WLS: variants seen among roughly 807,000 people sequenced by gnomAD.
WLS encodes the protein Wnt ligand secretion mediator, also known as protein wntless homolog.
A neutral mutation model predicts 62.8 loss-of-function variants in WLS; 23 were observed. The observed-to-expected ratio is 0.37, with a 90% confidence interval of 0.26 to 0.52. The LOEUF (loss-of-function observed/expected upper bound fraction) is 0.52, where lower values mean the gene tolerates loss of function less well. Ranked by LOEUF, WLS falls within the 20% of genes least tolerant of loss-of-function variation. The pLI, the probability that WLS is intolerant of heterozygous loss-of-function variation, is 0.92. For synonymous variants in WLS, 246 were observed against 244.1 expected (o/e 1.01, Z -0.07); for missense variants, 615 against 697.3 (o/e 0.88, Z 1.33).
intron 1 of WLS, among the ~76,000 whole-genome samples, chr1:68,209,023 A>G (rs1439213768): frequency 1.3e-5 from 2 of 152,094 alleles, no homozygotes; most frequent in African/African-American, 4.8e-5. Flanking sequence ...CACTAATGGC[A>G]TTTTGGGTTG....
At chr1:68,147,316 G>C (rs1190359563) in intron 8 of WLS, among the ~76,000 whole-genome samples, 2 of 152,076 alleles carry the variant, frequency 1.3e-5, no homozygotes, top group Non-Finnish European at 2.9e-5. Flanking sequence ...ACAGAGGAAG[G>C]GTAGAGCTTC....
intron 11 of WLS, among the ~76,000 whole-genome samples, chr1:68,119,667 C>G (rs565405040): frequency 3.3e-5 from 5 of 152,368 alleles, no homozygotes; most frequent in Admixed American, 3.3e-4. Context: ...TCTTCTCAGC[C>G]TTGCTTCTCC....
chr1:68,180,546 T>C (rs1015706422), intron 2 of WLS, among the ~76,000 whole-genome samples: 10 of 152,152 alleles, frequency 6.6e-5, no homozygotes, highest in African/African-American at 2.4e-4. Context: ...TTATCTCAAG[T>C]AGCAGAACAT....
chr1:68,183,217 G>A (rs1190169043), intron 2 of WLS, among the ~76,000 whole-genome samples: 1 of 152,148 alleles, frequency 6.6e-6, no homozygotes, highest in East Asian at 1.9e-4. Context: ...TTTAACACAG[G>A]CTATAACATA....
intron 11 of WLS, among the ~76,000 whole-genome samples, chr1:68,131,278 C>T (rs549187065): frequency 1.7e-4 from 26 of 151,554 alleles, no homozygotes; most frequent in Non-Finnish European, 3.5e-4. Flanking sequence ...GCTCAAAACA[C>T]CCATGAAAGA....
intron 1 of WLS, among the ~76,000 whole-genome samples, chr1:68,227,964 A>T (rs1460091634): frequency 6.6e-6 from 1 of 152,204 alleles, no homozygotes; most frequent in East Asian, 1.9e-4. Flanking sequence ...GCTCACATAA[A>T]TGGGTCACAG....
chr1:68,161,935 C>A, intron 2 of WLS: 2 of 1,610,688 alleles, frequency 1.2e-6, no homozygotes, highest in Non-Finnish European at 1.7e-6. Flanking sequence ...TGGCGGATAT[C>A]TGTATGTGGC....
At chr1:68,218,173 A>G (rs1415530897) in intron 1 of WLS, among the ~76,000 whole-genome samples, 12 of 152,240 alleles carry the variant, frequency 7.9e-5, no homozygotes, top group Admixed American at 7.9e-4. Context: ...AAAATTGGAA[A>G]TATTCAGTCA....
chr1:68,123,494 G>C (rs1455956896), downstream of WLS, among the ~76,000 whole-genome samples: 1 of 151,682 alleles, frequency 6.6e-6, no homozygotes. Context: ...TCTCAATGGT[G>C]GTGGCTGCCC....
At chr1:68,178,901 T>C (rs939267817) in intron 2 of WLS, among the ~76,000 whole-genome samples, 3 of 152,136 alleles carry the variant, frequency 2.0e-5, no homozygotes, top group African/African-American at 7.2e-5. Flanking sequence ...GATACTGAAC[T>C]GCTAAACTGA....
chr1:68,221,143 C>T (rs1649925062), intron 1 of WLS, among the ~76,000 whole-genome samples: 1 of 152,142 alleles, frequency 6.6e-6, no homozygotes, highest in Non-Finnish European at 1.5e-5. Context: ...AGAAATACCA[C>T]ATTCTCATAG....
At chr1:68,198,610 T>A (rs1648812293) in intron 1 of WLS, among the ~76,000 whole-genome samples, 1 of 152,156 alleles carries the variant, frequency 6.6e-6, no homozygotes, top group Non-Finnish European at 1.5e-5. Context: ...GTCTTGAGTA[T>A]CTACCATGCA....
chr1:68,159,774 C>G (rs549953852), intron 2 of WLS, among the ~76,000 whole-genome samples: 1 of 152,148 alleles, frequency 6.6e-6, no homozygotes, highest in Non-Finnish European at 1.5e-5. Context: ...AACTTATTCC[C>G]GAAAGTTCTC....
At chr1:68,113,983 G>A (rs1335293658) in intron 11 of WLS, among the ~76,000 whole-genome samples, 2 of 152,230 alleles carry the variant, frequency 1.3e-5, no homozygotes, top group Admixed American at 1.3e-4. Context: ...AACTGTATTT[G>A]ATGGCTCAAC....
chr1:68,223,055 T>C (rs1397303513), intron 1 of WLS, among the ~76,000 whole-genome samples: 2 of 152,190 alleles, frequency 1.3e-5, no homozygotes, highest in East Asian at 3.9e-4. Flanking sequence ...TATGTCCTCA[T>C]GTTACCATAC....
intron 2 of WLS, chr1:68,183,384 A>G (rs893021596): frequency 1.4e-4 from 33 of 235,340 alleles, no homozygotes; most frequent in African/African-American, 7.4e-4. Context: ...CAGAAATACA[A>G]TTATGTGAAT....
intron 2 of WLS, among the ~76,000 whole-genome samples, chr1:68,182,519 C>T (rs144723422): frequency 6.6e-6 from 1 of 152,330 alleles, no homozygotes; most frequent in Non-Finnish European, 1.5e-5. Context: ...CCCATGATTT[C>T]AGTTGCTTTC....
intron 2 of WLS, chr1:68,161,851 G>A: frequency 6.2e-7 from 1 of 1,606,836 alleles, no homozygotes; most frequent in Non-Finnish European, 8.5e-7. Context: ...GAGGTTGTGA[G>A]TCACTGGGAT....
intron 2 of WLS, among the ~76,000 whole-genome samples, chr1:68,193,400 A>T (rs1648457954): frequency 3.1e-5 from 1 of 31,770 alleles, no homozygotes; most frequent in East Asian, 1.0e-3. Context: ...AAATAAGCTA[A>T]AAAAAAAAAA....
Sources: allele counts gnomAD v4.1 joint callset (sites outside exome capture counted in the v4.1 genomes callset), GRCh38; gene constraint gnomAD v4.1.1; transcripts MANE v1.5; gene names NCBI Gene and HGNC (gene_info 2026-07-23, HGNC 2026-07-21).